Variants in RAD52 observed in about 807,000 individuals in gnomAD.
RAD52 encodes RAD52 DNA repair protein, also known as DNA repair protein RAD52 homolog.
A neutral mutation model predicts 55.5 loss-of-function variants in RAD52; 47 were observed. The observed-to-expected ratio is 0.85, with a 90% CI of 0.67 to 1.08. The LOEUF is 1.08. Among genes scored for constraint, RAD52 ranks in the 50% least tolerant of loss-of-function variants. RAD52 has a pLI of 0.00. For missense variants in RAD52, 468 were observed against 522.8 expected, an observed-to-expected ratio of 0.90 and a Z score of 1.02; for synonymous variants, 184 against 198.9, an observed-to-expected ratio of 0.92 and a Z score of 0.63.
chr12:918,920 C>G (rs572741912), intron 7 of RAD52, among the ~76,000 whole-genome samples: 2 of 152,044 alleles, frequency 1.3e-5, no homozygotes, highest in Non-Finnish European at 2.9e-5. Context: ...TTTCATACTT[C>G]GGTCAATTTT....
intron 1 of RAD52, among the ~76,000 whole-genome samples, chr12:934,116 A>C (rs1174718006): frequency 3.3e-5 from 5 of 151,030 alleles, no homozygotes; most frequent in East Asian, 1.9e-4. Context: ...AAAAAAAAAA[A>C]AACAAAAAAA....
chr12:954,525 G>C (rs144374878), upstream of RAD52, among the ~76,000 whole-genome samples: 1 of 152,078 alleles, frequency 6.6e-6, no homozygotes, highest in Non-Finnish European at 1.5e-5. Context: ...CCAGCTACTC[G>C]GGAGGCTGAG....
At chr12:970,777 A>G (rs767018499) in intron 1 of RAD52, among the ~76,000 whole-genome samples, 20 of 152,188 alleles carry the variant, frequency 1.3e-4, no homozygotes, top group Non-Finnish European at 2.4e-4. Flanking sequence ...AAGTGAACCA[A>G]CAACCGAGCT....
chr12:917,505 A>G (rs931765282), intron 7 of RAD52, among the ~76,000 whole-genome samples: 4 of 152,172 alleles, frequency 2.6e-5, no homozygotes, highest in African/African-American at 9.7e-5. Context: ...ATGAGGGATT[A>G]AGATGATTAC....
At chr12:927,113 G>A (rs767273508) in intron 6 of RAD52, 32 bp downstream of exon 6, 2 of 1,587,444 alleles carry the variant, frequency 1.3e-6, no homozygotes, top group South Asian at 2.2e-5. Context: ...GAGCTGAAAT[G>A]ACGCAGGTTA....
intron 1 of RAD52, among the ~76,000 whole-genome samples, chr12:986,760 T>TC (rs1445331802): frequency 1.9e-4 from 29 of 151,758 alleles, no homozygotes; most frequent in Admixed American, 4.0e-4. Context: ...TTTTTTTTTT[T>TC]TTATCATAGT....
At chr12:925,371 G>T in intron 7 of RAD52, 79 bp downstream of exon 7, 3 of 1,226,604 alleles carry the variant, frequency 2.4e-6, no homozygotes, top group Admixed American at 1.7e-5. Context: ...TTTTCTCCTT[G>T]CATCCTCCAA....
intron 1 of RAD52, among the ~76,000 whole-genome samples, chr12:942,495 T>G (rs1252005328): frequency 6.6e-6 from 1 of 152,184 alleles, no homozygotes; most frequent in Non-Finnish European, 1.5e-5. Flanking sequence ...ACGCCTATAA[T>G]CCCAGCATGT....
In RAD52 at chr12:973,399, T is replaced by G. The variant is rs573753550; in HGVS notation, c.-19+16410A>C. On this transcript the variant is annotated intron_variant, in intron 1 of 11. Transcript: ENST00000430095. The stretch of plus-strand genomic sequence containing the variant: ...TTTTAAATAATACAGGCAAGAAATG[T>G]TGGTGGATTGGGTCAGTGTAGTAAT... 7.9e-5 allele frequency among the ~76,000 whole-genome samples: 12 copies of G among 152,050 alleles called. No individual in the cohort carries two copies. The South Asian group carries it at 2.5e-3, about 32-fold the overall frequency.
chr12:972,474 G>A (rs1958873183), intron 1 of RAD52, among the ~76,000 whole-genome samples: 1 of 151,420 alleles, frequency 6.6e-6, no homozygotes, highest in Admixed American at 6.6e-5. Flanking sequence ...CCATTAGAAG[G>A]GTCGCTCTTA....
chr12:914,120 C>G lies in RAD52; in HGVS notation c.969G>C (p.Lys323Asn), dbSNP rs763741878. The G allele has an allele frequency of 5.0e-6, 8 of 1,613,290 alleles. No homozygotes were observed. In the Admixed American group the frequency reaches 6.7e-5, roughly 13 times the overall value. The change falls in exon 11 of 12, where the codon AAG (lysine) becomes AAC (asparagine). Residue 323 changes from lysine to asparagine, a missense_variant and splice_region_variant. Coordinates refer to ENST00000358495, the MANE Select transcript of RAD52 (RefSeq NM_134424.4). ...FLAGVTQELI[K>N]TLEDNSEKWA... The stretch of plus-strand genomic sequence containing the variant: ...ACTTTTCAGAGTTGTCTTCAAGAGT[C>G]TCTACAGAGGTCAAGGAAAAGTGCG...
Position 931,208 on chromosome 12 carries a change from G to C in RAD52, c.186+12C>G. 6.2e-7 allele frequency: 1 copy of C among 1,608,146 alleles called. No homozygotes were observed. Among genetic ancestry groups the C allele is most frequent in the Non-Finnish European group, 8.5e-7 (1 of 1,176,932 alleles). ...ATGGATGCCTGCTTTCCAGGCACAT[G>C]AATTCTCCTACCTTCTGGCCTCCGC... On this transcript the variant is annotated intron_variant, in intron 3 of 11. Coordinates refer to ENST00000358495, the MANE Select transcript of RAD52 (RefSeq NM_134424.4).
chr12:931,411 A>G, intron 2 of RAD52, 90 bp from the exon 3 acceptor site: 1 of 951,464 alleles, frequency 1.1e-6, no homozygotes. Flanking sequence ...TTATACTCTT[A>G]AAAAGACCCC....
rs554814048 is a variant in RAD52 at position 980,439 on chromosome 12, G to A, written c.-19+9370C>T. On this transcript the variant is annotated intron_variant, in intron 1 of 11. Coordinates refer to the RAD52 transcript ENST00000430095. Reference sequence around the variant, plus strand: ...CTCCCGAGTAGCTGGGATTACAGGTGCCTGCCACCATGCCCGGCTAATTTT... The same window carrying A: ...CTCCCGAGTAGCTGGGATTACAGGTACCTGCCACCATGCCCGGCTAATTTT... Among the ~76,000 whole-genome samples the A allele has an allele frequency of 1.3e-4, 19 of 149,768 alleles. No homozygotes were observed. In the South Asian group the frequency reaches 1.3e-3, roughly 10 times the overall value.
At chr12:979,047 G>A (rs778169061) in intron 1 of RAD52, among the ~76,000 whole-genome samples, 1 of 152,056 alleles carries the variant, frequency 6.6e-6, no homozygotes, top group Non-Finnish European at 1.5e-5. Context: ...ACAGGTAATT[G>A]TTATGAACTG....
In RAD52 at chr12:927,196, A is replaced by G. The variant is rs371497647; in HGVS notation, c.416T>C (p.Leu139Ser). The change falls in exon 6 of 12, where the codon TTG (leucine) becomes TCG (serine). Residue 139 changes from leucine to serine, a missense_variant. Leu to Ser is a moderately radical substitution (Grantham distance 145). Transcript: ENST00000358495. ...CACCGCCTCCTTCCTTGCCTTCTCC[A>G]AAGATAAAGCCTTGGACTTGAGGCC... is the stretch of plus-strand genomic sequence containing the variant. ...SEGLKSKALS[L>S]EKARKEAVTD... The G allele has an allele frequency of 8.7e-6, 14 of 1,614,102 alleles. No homozygotes were observed. Among genetic ancestry groups the G allele is most frequent in the Non-Finnish European group, 1.2e-5 (14 of 1,180,018 alleles).
At chr12:991,109 G>A (rs1959185805), upstream of RAD52, 2 of 151,428 alleles carry the variant, frequency 1.3e-5, no homozygotes, top group Admixed American at 6.6e-5. Context: ...CTCCCGGGAG[G>A]CTGAGGGAAA....
chr12:981,971 C>T (rs1338185261), intron 1 of RAD52, among the ~76,000 whole-genome samples: 2 of 152,114 alleles, frequency 1.3e-5, no homozygotes, highest in Non-Finnish European at 2.9e-5. Flanking sequence ...AGCAGCCATG[C>T]CTCTGAGGCA....
chr12:965,309 A>G (rs1958745649), intron 1 of RAD52, among the ~76,000 whole-genome samples: 1 of 151,978 alleles, frequency 6.6e-6, no homozygotes, highest in South Asian at 2.1e-4. Flanking sequence ...AGATTGGTAC[A>G]TGTAATTTAA....
Sources: allele counts gnomAD v4.1 joint callset (sites outside exome capture counted in the v4.1 genomes callset), GRCh38; gene constraint gnomAD v4.1.1; transcripts MANE v1.5; gene names NCBI Gene and HGNC (gene_info 2026-07-23, HGNC 2026-07-21).